SLC38A1: variants seen among roughly 807,000 people sequenced by gnomAD.
SLC38A1 encodes solute carrier family 38 member 1, also known as sodium-coupled neutral amino acid symporter 1.
A neutral mutation model predicts 60.3 loss-of-function variants in SLC38A1; 18 were observed. The observed-to-expected ratio is 0.30, with a 90% CI of 0.21 to 0.44. SLC38A1 has a LOEUF of 0.44. SLC38A1 is among the 20% of genes least tolerant of loss of function. The pLI, the probability that SLC38A1 is intolerant of heterozygous loss-of-function variation, is 1.00. For missense variants in SLC38A1, 448 were observed against 587.2 expected (o/e 0.76, Z 2.45); for synonymous variants, 196 against 212.1 (o/e 0.92, Z 0.66).
At chr12:46,234,682 C>T (rs559867760) in intron 3 of SLC38A1, among the ~76,000 whole-genome samples, 114 of 152,134 alleles carry the variant, frequency 7.5e-4, no homozygotes, top group Middle Eastern at 3.4e-3. Flanking sequence ...CTCCTGACCT[C>T]GTGATCCGCC....
chr12:46,246,197 C>G (rs57447110), intron 1 of SLC38A1, among the ~76,000 whole-genome samples: 2,156 of 152,238 alleles, frequency 0.014, 51 homozygotes, highest in African/African-American at 0.048. Context: ...CGAAGCAGGG[C>G]GGGGTGTTGC....
chr12:46,205,966 C>T, intron 9 of SLC38A1, 114 bp downstream of exon 9: 1 of 594,662 alleles, frequency 1.7e-6, no homozygotes, highest in Non-Finnish European at 3.0e-6. Flanking sequence ...TTATCATGTA[C>T]TTAATCTTTG....
intron 11 of SLC38A1, among the ~76,000 whole-genome samples, 174 bp from the exon 12 acceptor site, chr12:46,203,263 G>T (rs187373201): frequency 2.0e-5 from 3 of 152,290 alleles, no homozygotes; most frequent in Admixed American, 2.0e-4. Context: ...AAGACAGCTT[G>T]TCTAGCTCGA....
chr12:46,189,126 GTA>G, intron 16 of SLC38A1, 55 bp from the exon 17 acceptor site: 3 of 1,353,940 alleles, frequency 2.2e-6, no homozygotes, highest in Non-Finnish European at 3.2e-6. Context: ...TTTTCCACAT[GTA>G]CCTGGGGAAA....
chr12:46,249,155 C>CAAAAAAAAAAAA (rs59948188), intron 1 of SLC38A1, among the ~76,000 whole-genome samples: 1 of 46,502 alleles, frequency 2.2e-5, no homozygotes, highest in African/African-American at 7.8e-5. Context: ...GACTCCGCCT[C>CAAAAAAAAAAAA]AAAAAAAAAA....
intron 16 of SLC38A1, 37 bp from the exon 17 acceptor site, chr12:46,189,108 A>G (rs765643010): frequency 6.3e-7 from 1 of 1,576,560 alleles, no homozygotes; most frequent in Middle Eastern, 1.7e-4. Flanking sequence ...TTTTCAGTGC[A>G]GCAAAATTTT....
chr12:46,237,323 T>A (rs547617927), intron 3 of SLC38A1, among the ~76,000 whole-genome samples: 4 of 152,354 alleles, frequency 2.6e-5, no homozygotes, highest in African/African-American at 9.6e-5. Flanking sequence ...TACTAAAATA[T>A]GCCAATACAG....
chr12:46,266,902 C>T (rs1176345059), intron 1 of SLC38A1, among the ~76,000 whole-genome samples: 3 of 152,066 alleles, frequency 2.0e-5, no homozygotes, highest in Admixed American at 6.5e-5. Flanking sequence ...AGGCTGGGGT[C>T]GAACCAAAAT....
At chr12:46,231,707 G>C (rs1251504928) in intron 3 of SLC38A1, among the ~76,000 whole-genome samples, 1 of 152,186 alleles carries the variant, frequency 6.6e-6, no homozygotes, top group African/African-American at 2.4e-5. Flanking sequence ...CCAGGCTGCA[G>C]TGCAGTTGTA....
chr12:46,220,154 C>A, intron 5 of SLC38A1, among the ~76,000 whole-genome samples: 1 of 152,242 alleles, frequency 6.6e-6, no homozygotes. Context: ...GCAATGCTAA[C>A]CACTTTCCCA....
At chr12:46,204,469 A>C in intron 10 of SLC38A1, 52 bp from the exon 11 acceptor site, 6 of 1,591,836 alleles carry the variant, frequency 3.8e-6, no homozygotes, top group Non-Finnish European at 5.2e-6. Context: ...AAAGCCAATG[A>C]ATAATTATTA....
At chr12:46,259,867 T>C (rs1175037409) in intron 1 of SLC38A1, among the ~76,000 whole-genome samples, 1 of 152,146 alleles carries the variant, frequency 6.6e-6, no homozygotes, top group African/African-American at 2.4e-5. Context: ...TGAACTATCA[T>C]CACACCCCTC....
chr12:46,247,316 T>C (rs1335720665), intron 1 of SLC38A1, among the ~76,000 whole-genome samples: 1 of 152,062 alleles, frequency 6.6e-6, no homozygotes, highest in East Asian at 1.9e-4. Context: ...CTAACTAAAA[T>C]AAACAGTGTA....
At chr12:46,254,488 C>G (rs1188884433) in intron 1 of SLC38A1, among the ~76,000 whole-genome samples, 1 of 152,210 alleles carries the variant, frequency 6.6e-6, no homozygotes, top group African/African-American at 2.4e-5. Flanking sequence ...TGTAATTTCG[C>G]TTTGATGGAA....
chr12:46,265,119 T>C (rs1942312874), intron 1 of SLC38A1, among the ~76,000 whole-genome samples: 1 of 152,226 alleles, frequency 6.6e-6, no homozygotes, highest in Admixed American at 6.5e-5. Flanking sequence ...TTCACATTCA[T>C]TATCTTCATT....
At chr12:46,230,210 C>T (rs936580790) in intron 3 of SLC38A1, among the ~76,000 whole-genome samples, 17 of 152,208 alleles carry the variant, frequency 1.1e-4, no homozygotes, top group African/African-American at 2.6e-4. Flanking sequence ...ACTGTTTCAC[C>T]GTCAGACATT....
intron 16 of SLC38A1, among the ~76,000 whole-genome samples, chr12:46,193,758 G>C (rs1939247219): frequency 6.6e-6 from 1 of 151,560 alleles, no homozygotes; most frequent in East Asian, 1.9e-4. Context: ...GGCAAGTCCT[G>C]CTTTTTTTTT....
rs545387564 is a variant in SLC38A1 at position 46,186,240 on chromosome 12, T to G, written c.*2730A>C. On this transcript the variant is annotated 3_prime_UTR_variant, in exon 17 of 17. Coordinates refer to ENST00000398637, the MANE Select transcript of SLC38A1 (RefSeq NM_030674.4). ...CCTGTGCGTATTTCATCAGCCCCACTTCCAATAAGTAACATTAAGTAAATT... is the reference window on the plus strand; with the variant it reads ...CCTGTGCGTATTTCATCAGCCCCACGTCCAATAAGTAACATTAAGTAAATT... The G allele has an allele frequency of 1.3e-5, 2 of 152,270 alleles. No individual in the cohort carries two copies. Among genetic ancestry groups the G allele is most frequent in the South Asian group, 4.1e-4 (2 of 4,820 alleles). 9.4% of individuals were successfully genotyped at this position (152,270 alleles called of 1,614,324 possible). A position where few individuals can be genotyped will look rare whatever the true frequency, so the allele number is the denominator to read the frequency against.
At chr12:46,197,873 C>A (rs749942505) in intron 15 of SLC38A1, 46 bp downstream of exon 15, 3 of 1,604,948 alleles carry the variant, frequency 1.9e-6, no homozygotes, top group Non-Finnish European at 2.5e-6. Context: ...AATTTCCCTG[C>A]AAACAGCTAC....
Sources: allele counts gnomAD v4.1 joint callset (sites outside exome capture counted in the v4.1 genomes callset), GRCh38; gene constraint gnomAD v4.1.1; transcripts MANE v1.5; gene names NCBI Gene and HGNC (gene_info 2026-07-23, HGNC 2026-07-21).